The following ARHGAP24 variants were observed in gnomAD, a reference collection of about 807,000 sequenced individuals.
The protein encoded by ARHGAP24 is Rho GTPase activating protein 24.
Under a neutral mutation model 76.4 loss-of-function variants are expected in ARHGAP24, and 50 were observed. The observed-to-expected ratio is 0.65, with a 90% CI of 0.52 to 0.83. The LOEUF (loss-of-function observed/expected upper bound fraction) is 0.83. ARHGAP24 is among the 40% of genes least tolerant of loss of function. ARHGAP24 has a pLI of 0.00. For synonymous variants in ARHGAP24, 345 were observed against 323.3 expected, an observed-to-expected ratio of 1.07 and a Z score of -0.72; for missense variants, 930 against 914.2, an observed-to-expected ratio of 1.02 and a Z score of -0.22.
At chr4:85,910,174 G>A (rs1313882161) in intron 3 of ARHGAP24, among the ~76,000 whole-genome samples, 4 of 152,196 alleles carry the variant, frequency 2.6e-5, no homozygotes, top group African/African-American at 7.2e-5. Flanking sequence ...ACCGGGGAAC[G>A]CAGTGGTGCC....
At chr4:85,614,452 G>A (rs1174956595) in intron 2 of ARHGAP24, among the ~76,000 whole-genome samples, 1 of 151,982 alleles carries the variant, frequency 6.6e-6, no homozygotes, top group African/African-American at 2.4e-5. Context: ...ATTGCCTTGG[G>A]TATCCACATG....
chr4:85,984,832 A>C (rs1739885092), intron 8 of ARHGAP24, among the ~76,000 whole-genome samples: 1 of 151,970 alleles, frequency 6.6e-6, no homozygotes, highest in Admixed American at 6.6e-5. Flanking sequence ...TTTACTACTA[A>C]TTTTTTTCAA....
intron 2 of ARHGAP24, among the ~76,000 whole-genome samples, chr4:85,609,917 C>T (rs1198956006): frequency 6.6e-6 from 1 of 152,160 alleles, no homozygotes; most frequent in Non-Finnish European, 1.5e-5. Flanking sequence ...TCCTTCATTG[C>T]TTAGCATTAT....
At chr4:85,991,989 G>A in intron 8 of ARHGAP24, 1 of 392,882 alleles carries the variant, frequency 2.5e-6, no homozygotes, top group Non-Finnish European at 4.5e-6. Flanking sequence ...ATGATGAAAA[G>A]TGCCTATTAT....
intron 3 of ARHGAP24, among the ~76,000 whole-genome samples, chr4:85,874,694 T>TA (rs1192307420): frequency 6.7e-6 from 1 of 148,214 alleles, no homozygotes; most frequent in African/African-American, 2.5e-5. Flanking sequence ...ATATTGTATT[T>TA]AAAAAAATAA....
chr4:85,659,231 C>T (rs935599317), intron 2 of ARHGAP24, among the ~76,000 whole-genome samples: 1 of 152,056 alleles, frequency 6.6e-6, no homozygotes, highest in Admixed American at 6.5e-5. Flanking sequence ...AGGTTTTTGG[C>T]CTGAACAGAG....
chr4:85,551,293 CTTTTG>C (rs1015689930), intron 1 of ARHGAP24, among the ~76,000 whole-genome samples: 7 of 152,104 alleles, frequency 4.6e-5, no homozygotes, highest in African/African-American at 1.4e-4. Flanking sequence ...AATCGTGTGG[CTTTTG>C]TTTTTAGTTC....
chr4:85,836,914 TAA>T (rs1214877900), intron 3 of ARHGAP24, among the ~76,000 whole-genome samples: 2 of 152,208 alleles, frequency 1.3e-5, no homozygotes, highest in Admixed American at 1.3e-4. Flanking sequence ...GTTTGTACAT[TAA>T]AGTTTCAGAA....
At chr4:85,731,598 T>C (rs1197383024) in intron 3 of ARHGAP24, among the ~76,000 whole-genome samples, 1 of 152,134 alleles carries the variant, frequency 6.6e-6, no homozygotes, top group Non-Finnish European at 1.5e-5. Context: ...CCTAGAGAAG[T>C]TCATTAACTT....
chr4:85,715,705 A>G (rs1389076326), intron 2 of ARHGAP24, among the ~76,000 whole-genome samples: 1 of 152,092 alleles, frequency 6.6e-6, no homozygotes, highest in Non-Finnish European at 1.5e-5. Context: ...ATAAGTGTAC[A>G]GTATCCTGTT....
At chr4:85,824,255 C>T (rs1387618060) in intron 3 of ARHGAP24, among the ~76,000 whole-genome samples, 2 of 152,154 alleles carry the variant, frequency 1.3e-5, no homozygotes, top group Non-Finnish European at 2.9e-5. Context: ...ACAGTATTTG[C>T]TCTTCACAGC....
intron 8 of ARHGAP24, among the ~76,000 whole-genome samples, chr4:85,981,919 T>G (rs1739692276): frequency 1.3e-5 from 2 of 152,108 alleles, no homozygotes; most frequent in Non-Finnish European, 2.9e-5. Flanking sequence ...TGGGGCGCTT[T>G]GGGGATATTC....
chr4:85,613,063 G>T (rs1489736030), intron 2 of ARHGAP24, among the ~76,000 whole-genome samples: 1 of 151,998 alleles, frequency 6.6e-6, no homozygotes, highest in Admixed American at 6.6e-5. Flanking sequence ...CTCCCAAAGT[G>T]CTGGGATTAC....
chr4:85,601,746 A>G (rs577531635), intron 2 of ARHGAP24, among the ~76,000 whole-genome samples: 23 of 152,110 alleles, frequency 1.5e-4, no homozygotes, highest in Admixed American at 1.5e-3. Flanking sequence ...TAATTAAAAT[A>G]TATTATAGTA....
intron 2 of ARHGAP24, among the ~76,000 whole-genome samples, chr4:85,683,118 G>GGGGC (rs1553922581): frequency 1.3e-4 from 5 of 37,674 alleles, no homozygotes; most frequent in African/African-American, 4.8e-4. Flanking sequence ...GTGGGGGGGT[G>GGGGC]GGGGGGGGGT....
rs964143989 is a variant in ARHGAP24 at position 85,785,188 on chromosome 4, ATGTGCCAGCCAC to A, written c.268+63217_268+63228del. On this transcript the variant is annotated intron_variant, in intron 3 of 9. Transcript: ENST00000395184. ...TGAATAACCTATGTCAAAACCTTCT[ATGTGCCAGCCAC>A]AGTGCTCTGAGCATTTCCCATATAT... 5.3e-5 allele frequency among the ~76,000 whole-genome samples: 8 copies of A among 152,252 alleles called. No homozygotes were observed. The South Asian group carries it at 1.5e-3, about 28-fold the overall frequency.
chr4:85,772,462 C>T (rs998838231), intron 3 of ARHGAP24, among the ~76,000 whole-genome samples: 3 of 152,138 alleles, frequency 2.0e-5, no homozygotes, highest in Admixed American at 6.6e-5. Flanking sequence ...TTTCTGTATT[C>T]AATGTCTTAG....
intron 3 of ARHGAP24, among the ~76,000 whole-genome samples, chr4:85,862,401 C>T (rs763490192): frequency 9.9e-5 from 15 of 152,040 alleles, no homozygotes; most frequent in Admixed American, 5.9e-4. Flanking sequence ...ACTTAGCAAT[C>T]TACGAGTGAT....
At chr4:85,559,357 T>G (rs561359057) in intron 1 of ARHGAP24, among the ~76,000 whole-genome samples, 2 of 152,364 alleles carry the variant, frequency 1.3e-5, no homozygotes, top group African/African-American at 4.8e-5. Flanking sequence ...CATTCTGGAA[T>G]GGCTAAATTG....
Sources: gnomAD v4.1 joint callset for allele counts (sites outside exome capture counted in the v4.1 genomes callset) on GRCh38, gnomAD v4.1.1 for gene constraint, MANE v1.5 for transcripts, NCBI Gene and HGNC (gene_info 2026-07-23, HGNC 2026-07-21) for gene names.